Variants in NDUFAF6 observed in about 807,000 individuals in gnomAD.
The protein encoded by NDUFAF6 is NADH:ubiquinone oxidoreductase complex assembly factor 6.
A neutral mutation model predicts 40.8 loss-of-function variants in NDUFAF6; 45 were observed. That is an observed-to-expected ratio of 1.10 (90% CI 0.87 to 1.42). The LOEUF (loss-of-function observed/expected upper bound fraction) is 1.42. Ranked by LOEUF, NDUFAF6 falls within the 40% of genes most tolerant of loss-of-function variation. NDUFAF6 has a pLI of 0.00. For missense variants in NDUFAF6, 435 were observed against 418.5 expected (o/e 1.04, Z -0.34); for synonymous variants, 185 against 155.9 (o/e 1.19, Z -1.39).
chr8:94,913,908 C>T (rs1276763830), intron 1 of NDUFAF6, among the ~76,000 whole-genome samples: 1 of 152,150 alleles, frequency 6.6e-6, no homozygotes, highest in African/African-American at 2.4e-5. Flanking sequence ...TCTCCTGCCT[C>T]AGCCTCCTGA....
chr8:95,041,824 C>A (rs753787219), intron 4 of NDUFAF6, among the ~76,000 whole-genome samples, 198 bp downstream of exon 4: 5 of 152,140 alleles, frequency 3.3e-5, no homozygotes, highest in African/African-American at 7.2e-5. Context: ...AGCACCAAGG[C>A]AGAGGCATGT....
At chr8:95,012,156 T>G (rs1827250845) in intron 2 of NDUFAF6, among the ~76,000 whole-genome samples, 1 of 152,244 alleles carries the variant, frequency 6.6e-6, no homozygotes, top group South Asian at 2.1e-4. Context: ...ATTTTGTTTT[T>G]ATTTTAATTT....
intron 1 of NDUFAF6, among the ~76,000 whole-genome samples, chr8:94,941,563 T>G (rs1408606488): frequency 1.3e-5 from 2 of 152,244 alleles, no homozygotes; most frequent in Admixed American, 6.5e-5. Context: ...CACACCTGAT[T>G]ACACTTAAAA....
At position 94,962,752 on chromosome 8, in the gene NDUFAF6, G is replaced by A. The variant is rs375564141; in HGVS notation, c.-199+4573G>A. On this transcript the variant is annotated intron_variant, in intron 1 of 9. Coordinates refer to the NDUFAF6 transcript ENST00000396111. ...CTTGGCTTCCCAAATTGCTTTTATGGCATTAGCCACTGCACCTGGCCTCCA... is the reference window on the plus strand; with the variant it reads ...CTTGGCTTCCCAAATTGCTTTTATGACATTAGCCACTGCACCTGGCCTCCA... 4.8e-4 allele frequency among the ~76,000 whole-genome samples: 72 copies of A among 151,254 alleles called. 1 individual carries two copies. The highest frequency in any genetic ancestry group is 1.7e-3 in the African/African-American group (71 of 41,238).
chr8:95,003,089 C>A (rs1409576004), intron 2 of NDUFAF6, among the ~76,000 whole-genome samples: 1 of 152,088 alleles, frequency 6.6e-6, no homozygotes, highest in Non-Finnish European at 1.5e-5. Flanking sequence ...GGTCATGTAC[C>A]TACAATTATA....
chr8:94,953,905 C>T (rs185882464), upstream of NDUFAF6, among the ~76,000 whole-genome samples: 4 of 152,204 alleles, frequency 2.6e-5, no homozygotes, highest in East Asian at 5.8e-4. Flanking sequence ...TTTCTCATGG[C>T]TTTGGCAAAG....
At chr8:95,051,096 C>T (rs1274203140) in intron 7 of NDUFAF6, among the ~76,000 whole-genome samples, 1 of 152,088 alleles carries the variant, frequency 6.6e-6, no homozygotes, top group African/African-American at 2.4e-5. Flanking sequence ...TAAAGGAAGT[C>T]AGGACTAAAG....
chr8:95,024,553 A>G (rs961458902), upstream of NDUFAF6, among the ~76,000 whole-genome samples: 2 of 152,166 alleles, frequency 1.3e-5, no homozygotes, highest in Non-Finnish European at 2.9e-5. Context: ...CTGGGCATTC[A>G]CCTATTGCAA....
chr8:95,020,085 G>C (rs1167337498), upstream of NDUFAF6, among the ~76,000 whole-genome samples: 1 of 152,186 alleles, frequency 6.6e-6, no homozygotes, highest in Non-Finnish European at 1.5e-5. Context: ...TGTAATCCCA[G>C]CTACTTGGGA....
chr8:95,064,942 A>G (rs1832666486), intron 9 of NDUFAF6, among the ~76,000 whole-genome samples: 1 of 152,120 alleles, frequency 6.6e-6, no homozygotes, highest in Non-Finnish European at 1.5e-5. Flanking sequence ...TGCCTATCCA[A>G]TGAAGTCTCC....
chr8:95,059,744 G>T (rs1055999436), downstream of NDUFAF6, among the ~76,000 whole-genome samples: 2 of 152,128 alleles, frequency 1.3e-5, no homozygotes, highest in African/African-American at 4.8e-5. Flanking sequence ...AGCTACTCGG[G>T]AGGCCGAGGC....
downstream of NDUFAF6, among the ~76,000 whole-genome samples, chr8:95,116,619 G>A (rs1810141673): frequency 6.6e-6 from 1 of 152,144 alleles, no homozygotes; most frequent in Non-Finnish European, 1.5e-5. Context: ...CCAAAGTGCT[G>A]GAATTACAGG....
chr8:94,940,880 G>A, intron 1 of NDUFAF6: 1 of 1,613,612 alleles, frequency 6.2e-7, no homozygotes, highest in Non-Finnish European at 8.5e-7. Context: ...ATTGAATTCT[G>A]GTTCTTGGTT....
At chr8:94,965,960 T>C (rs1327056353) in intron 1 of NDUFAF6, among the ~76,000 whole-genome samples, 1 of 152,236 alleles carries the variant, frequency 6.6e-6, no homozygotes, top group Non-Finnish European at 1.5e-5. Context: ...TAATGTTTGC[T>C]CACCCATGGT....
At chr8:94,958,322 C>T (rs958339318) in intron 1 of NDUFAF6, 3 of 152,138 alleles carry the variant, frequency 2.0e-5, no homozygotes, top group African/African-American at 7.2e-5. Flanking sequence ...AATGTGTTGT[C>T]AGGGCTGGTT....
chr8:94,919,551 A>G (rs1019364251), intron 1 of NDUFAF6, among the ~76,000 whole-genome samples: 1 of 152,170 alleles, frequency 6.6e-6, no homozygotes, highest in African/African-American at 2.4e-5. Flanking sequence ...TGTCATTTTC[A>G]GAGCTACCAG....
chr8:95,069,890 T>C (rs1832798574), intron 9 of NDUFAF6, among the ~76,000 whole-genome samples: 2 of 150,566 alleles, frequency 1.3e-5, no homozygotes, highest in Non-Finnish European at 2.9e-5. Flanking sequence ...CAAAGCAGTT[T>C]AAAATGTTCT....
chr8:94,995,037 G>A (rs1414879008), intron 2 of NDUFAF6, among the ~76,000 whole-genome samples: 1 of 152,178 alleles, frequency 6.6e-6, no homozygotes, highest in Non-Finnish European at 1.5e-5. Context: ...CATTTTCATT[G>A]CAGCATTATT....
chr8:95,071,347 G>A (rs182498634), intron 9 of NDUFAF6, among the ~76,000 whole-genome samples: 1 of 144,582 alleles, frequency 6.9e-6, no homozygotes, highest in Non-Finnish European at 1.5e-5. Flanking sequence ...GCAGTGAGCC[G>A]AGATCTCACC....
Sources: allele counts gnomAD v4.1 joint callset (sites outside exome capture counted in the v4.1 genomes callset), GRCh38; gene constraint gnomAD v4.1.1; transcripts MANE v1.5; gene names NCBI Gene and HGNC (gene_info 2026-07-23, HGNC 2026-07-21).